Variants in KATNIP observed in about 807,000 individuals in gnomAD.
KATNIP encodes the protein katanin interacting protein.
Under a neutral mutation model 174.0 loss-of-function variants are expected in KATNIP, and 126 were observed. That is an observed-to-expected ratio of 0.72 (90% CI 0.63 to 0.84). KATNIP has a LOEUF of 0.84. Ranked by LOEUF, KATNIP falls within the 40% of genes least tolerant of loss-of-function variation. The pLI is 0.00. For synonymous variants in KATNIP, 810 were observed against 835.7 expected (o/e 0.97, Z 0.53); for missense variants, 1,958 against 2,109.7 (o/e 0.93, Z 1.41).
chr16:27,721,713 G>A lies in KATNIP; in HGVS notation c.1743+18G>A. 1.2e-6 allele frequency: 2 copies of A among 1,612,080 alleles called. No individual in the cohort carries two copies. Among genetic ancestry groups the A allele is most frequent in the South Asian group, 2.2e-5 (2 of 91,014 alleles). ...CTGATGGCGTAAGTAACAGGCGCTGGTTCCCCACTGGGCACTGGGTTGATG... is the reference window on the plus strand; with the variant it reads ...CTGATGGCGTAAGTAACAGGCGCTGATTCCCCACTGGGCACTGGGTTGATG... On this transcript the variant is annotated intron_variant, in intron 14 of 27. Transcript: ENST00000261588.
intron 6 of KATNIP, among the ~76,000 whole-genome samples, chr16:27,668,808 T>A (rs1213304623): frequency 6.6e-6 from 1 of 152,104 alleles, no homozygotes; most frequent in Admixed American, 6.6e-5. Context: ...GAGTTTGAGA[T>A]CAGCTTGGGC....
chr16:27,777,471 A>G lies in KATNIP; in HGVS notation c.4552-139A>G. On this transcript the variant is annotated intron_variant, in intron 25 of 27. Coordinates refer to ENST00000261588, the MANE Select transcript of KATNIP (RefSeq NM_015202.5). The surrounding 1 kb of genome is among the most constrained non-coding windows in gnomAD (Gnocchi z 4.4). Reference sequence around the variant, plus strand: ...AGATCTGAAATCACAAGGCAGACACAGCACACAGTAGGCGCTTGTTCCTGA... The same window carrying G: ...AGATCTGAAATCACAAGGCAGACACGGCACACAGTAGGCGCTTGTTCCTGA... 1.4e-6 allele frequency: 1 copy of G among 719,546 alleles called. No homozygotes were observed. The highest frequency in any genetic ancestry group is 2.7e-5 in the East Asian group (1 of 36,480). 44.6% of individuals were successfully genotyped at this position (719,546 alleles called of 1,614,324 possible).
intron 20 of KATNIP, among the ~76,000 whole-genome samples, chr16:27,767,179 T>C (rs1376199766): frequency 6.6e-6 from 1 of 152,090 alleles, no homozygotes; most frequent in Admixed American, 6.5e-5. Context: ...AGGGCCCTAC[T>C]ATCAGGAGGG....
intron 2 of KATNIP, among the ~76,000 whole-genome samples, chr16:27,592,587 C>T (rs1182692127): frequency 6.6e-6 from 1 of 152,076 alleles, no homozygotes; most frequent in Non-Finnish European, 1.5e-5. Flanking sequence ...CACTGCACTC[C>T]ACCCAGGGCA....
chr16:27,716,093 C>T (rs1291177098), intron 13 of KATNIP, among the ~76,000 whole-genome samples: 1 of 151,926 alleles, frequency 6.6e-6, no homozygotes. Flanking sequence ...GTAGTATTTC[C>T]ACAAAATGGA....
At chr16:27,753,311 G>T (rs138484332) in intron 17 of KATNIP, among the ~76,000 whole-genome samples, 1 of 152,168 alleles carries the variant, frequency 6.6e-6, no homozygotes, top group African/African-American at 2.4e-5. Flanking sequence ...GCCACAAGCC[G>T]TGCCTGTGCT....
At chr16:27,747,459 C>T (rs904310812) in intron 15 of KATNIP, among the ~76,000 whole-genome samples, 7 of 152,000 alleles carry the variant, frequency 4.6e-5, no homozygotes, top group African/African-American at 9.7e-5. Flanking sequence ...TCTCTCGACT[C>T]GTGTTCTCGG....
intron 2 of KATNIP, among the ~76,000 whole-genome samples, chr16:27,611,883 TA>T (rs1289166530): frequency 2.0e-5 from 3 of 152,214 alleles, no homozygotes; most frequent in African/African-American, 7.2e-5. Flanking sequence ...TATAATTTAA[TA>T]CTAATTGCAG....
At chr16:27,627,252 G>T (rs1173321556) in intron 3 of KATNIP, among the ~76,000 whole-genome samples, 1 of 152,206 alleles carries the variant, frequency 6.6e-6, no homozygotes. Flanking sequence ...CTTGTACGTA[G>T]TGCCATGTTT....
chr16:27,714,073 A>G (rs1226714207), intron 13 of KATNIP, among the ~76,000 whole-genome samples: 1 of 149,464 alleles, frequency 6.7e-6, no homozygotes, highest in Non-Finnish European at 1.5e-5. Flanking sequence ...CCTCATTCCT[A>G]CCTCTCCAAA....
intron 1 of KATNIP, among the ~76,000 whole-genome samples, chr16:27,557,205 G>C (rs1034520943): frequency 1.7e-4 from 25 of 150,992 alleles, no homozygotes; most frequent in Non-Finnish European, 2.7e-4. Flanking sequence ...ACAGTGGCGC[G>C]ATCTTGGCTT....
At chr16:27,622,760 G>A (rs1162261215) in intron 3 of KATNIP, among the ~76,000 whole-genome samples, 1 of 152,146 alleles carries the variant, frequency 6.6e-6, no homozygotes, top group African/African-American at 2.4e-5. Flanking sequence ...CATCACTGGG[G>A]GCCTCACCTG....
chr16:27,777,021 G>A lies in KATNIP; in HGVS notation c.4543G>A (p.Glu1515Lys). ...GAAAACACCCCATCGAGGGGTGAAG[G>A]AGTTTGGCGTAAGTACTTATTAGCT... ...YAKTPHRGVKEFGLLVDDLLV... is the reference protein window; with the variant it reads ...YAKTPHRGVKKFGLLVDDLLV... The change falls in exon 25 of 28, where the codon GAG becomes AAG. Residue 1515 changes from glutamate to lysine, a missense_variant. Glu to Lys is a moderately conservative substitution (Grantham distance 56). Around this residue, in one of 3 missense-constraint regions of KATNIP, gnomAD observed 383 missense variants for 456.0 expected, o/e 0.84. Transcript: ENST00000261588. This position sits in a 1 kb window ranked among gnomAD's most constrained non-coding sequence, Gnocchi z 4.4. 1 of 1,606,584 alleles carries A rather than the reference G, an allele frequency of 6.2e-7. No individual in the cohort carries two copies. The highest frequency in any genetic ancestry group is 1.1e-5 in the South Asian group (1 of 90,904).
intron 2 of KATNIP, among the ~76,000 whole-genome samples, chr16:27,587,995 A>C (rs2090965175): frequency 6.8e-6 from 1 of 146,396 alleles, no homozygotes; most frequent in African/African-American, 2.5e-5. Flanking sequence ...GGCTCAAGTG[A>C]TCCTCTCACT....
At chr16:27,666,758 G>T (rs1184141844) in intron 6 of KATNIP, among the ~76,000 whole-genome samples, 1 of 152,158 alleles carries the variant, frequency 6.6e-6, no homozygotes, top group African/African-American at 2.4e-5. Context: ...CAGGCATGGT[G>T]GTTCACGCCT....
At chr16:27,687,516 A>G (rs775831362) in intron 8 of KATNIP, 3 of 151,678 alleles carry the variant, frequency 2.0e-5, no homozygotes, top group Non-Finnish European at 4.4e-5. Context: ...GTGTGATGCA[A>G]CTCCAAGAGA....
chr16:27,610,002 G>A (rs1178318616), intron 2 of KATNIP, among the ~76,000 whole-genome samples: 1 of 152,182 alleles, frequency 6.6e-6, no homozygotes, highest in African/African-American at 2.4e-5. Flanking sequence ...CTTGGCGGGT[G>A]TTGAGGACAC....
chr16:27,592,270 C>CTTTT (rs71137799), intron 2 of KATNIP, among the ~76,000 whole-genome samples: 28 of 44,826 alleles, frequency 6.2e-4, no homozygotes, highest in Admixed American at 7.5e-4. Context: ...GCATATATTA[C>CTTTT]TTTTTTTTTT....
intron 14 of KATNIP, among the ~76,000 whole-genome samples, chr16:27,732,452 T>C (rs760525529): frequency 2.0e-5 from 3 of 152,154 alleles, no homozygotes; most frequent in Non-Finnish European, 4.4e-5. Flanking sequence ...TCAAGACAGA[T>C]AGGAATAGCC....
Sources: gnomAD v4.1 joint callset for allele counts (sites outside exome capture counted in the v4.1 genomes callset) on GRCh38, gnomAD v4.1.1 for gene constraint, gnomAD v4.1.1 regional missense constraint, Gnocchi (gnomAD v3.1) non-coding constraint, MANE v1.5 for transcripts, NCBI Gene and HGNC (gene_info 2026-07-23, HGNC 2026-07-21) for gene names.